Variants in USO1 observed in about 807,000 individuals in gnomAD.
USO1 encodes USO1 vesicle transport factor, also known as general vesicular transport factor p115.
Under a neutral mutation model 124.5 loss-of-function variants are expected in USO1, and 57 were observed. The ratio of observed to expected loss-of-function variants is 0.46; its 90% confidence interval spans 0.37 to 0.57. The LOEUF is 0.57. Ranked by LOEUF, USO1 falls within the 20% of genes least tolerant of loss-of-function variation. The probability of loss-of-function intolerance (pLI) is 0.00; values close to 1 mark genes in which losing one functional copy is unlikely to be tolerated. For synonymous variants in USO1, 369 were observed against 362.8 expected, an observed-to-expected ratio of 1.02 and a Z score of -0.19; for missense variants, 900 against 1,040.6, an observed-to-expected ratio of 0.86 and a Z score of 1.86.
intron 1 of USO1, among the ~76,000 whole-genome samples, chr4:75,736,120 C>G (rs887084563): frequency 2.0e-5 from 3 of 151,954 alleles, no homozygotes; most frequent in Non-Finnish European, 2.9e-5. Context: ...AGTTTAAGTT[C>G]TCTTTACTCC....
Position 75,799,651 on chromosome 4 carries a change from A to G in USO1, c.1482A>G (p.Leu494=), listed in dbSNP as rs756742881. The part of the protein sequence containing the change: ...QGSKIQTRVG[L]LMLLCTWLSN... ...GCAAAATACAAACAAGAGTTGGATTATTAATGTTGCTTTGTACCTGGCTAA... is the reference window on the plus strand; with the variant it reads ...GCAAAATACAAACAAGAGTTGGATTGTTAATGTTGCTTTGTACCTGGCTAA... Residue 494 remains leucine, a synonymous_variant, in exon 14 of 24, where the codon TTA becomes TTG. Coordinates refer to ENST00000514213, the MANE Select transcript of USO1 (RefSeq NM_003715.4). The G allele has an allele frequency of 1.2e-6, 2 of 1,613,738 alleles. No individual in the cohort carries two copies. Among genetic ancestry groups the G allele is most frequent in the East Asian group, 2.2e-5 (1 of 44,830 alleles).
rs1720340400 is a variant in USO1 at position 75,724,758 on chromosome 4, C to CG, written c.-57dup. 6.4e-7 allele frequency: 1 copy of CG among 1,567,990 alleles called. No individual in the cohort carries two copies. The highest frequency in any genetic ancestry group is 8.7e-7 in the Non-Finnish European group (1 of 1,143,302). On this transcript the variant is annotated 5_prime_UTR_variant, in exon 1 of 24. Transcript: ENST00000514213. ...ATTGGGGCCCAGGCCCTGCGGAGGGCGGGGGAAGTTGTCTTCTTTTTTTTC... is the reference window on the plus strand; with the variant it reads ...ATTGGGGCCCAGGCCCTGCGGAGGGCGGGGGGAAGTTGTCTTCTTTTTTTTC...
At chr4:75,734,614 G>A (rs951610751) in intron 1 of USO1, among the ~76,000 whole-genome samples, 6 of 149,622 alleles carry the variant, frequency 4.0e-5, no homozygotes, top group African/African-American at 1.5e-4. Context: ...GGCTCTTTTG[G>A]TTCCATATGA....
At chr4:75,785,409 G>A (rs1049895262) in intron 9 of USO1, among the ~76,000 whole-genome samples, 2 of 152,000 alleles carry the variant, frequency 1.3e-5, no homozygotes, top group Non-Finnish European at 2.9e-5. Flanking sequence ...CCCTGCAGGA[G>A]TCTCTTCTAT....
At chr4:75,800,592 G>T (rs374126191) in intron 15 of USO1, 26 bp from the exon 16 acceptor site, 1 of 1,503,092 alleles carries the variant, frequency 6.7e-7, no homozygotes, top group Non-Finnish European at 8.8e-7. Context: ...TTTTTTTAAA[G>T]CATCTCAATA....
chr4:75,793,362 C>CA (rs986125075), intron 12 of USO1, among the ~76,000 whole-genome samples: 1 of 152,008 alleles, frequency 6.6e-6, no homozygotes, highest in African/African-American at 2.4e-5. Context: ...AGGCATGCAC[C>CA]ACCAACTCCT....
chr4:75,796,018 T>C (rs1722667236), intron 13 of USO1, among the ~76,000 whole-genome samples: 1 of 152,142 alleles, frequency 6.6e-6, no homozygotes, highest in Non-Finnish European at 1.5e-5. Flanking sequence ...AGTTGAATAA[T>C]GTGGGTAGTA....
chr4:75,795,708 G>T (rs538420209), intron 13 of USO1, among the ~76,000 whole-genome samples: 1 of 151,856 alleles, frequency 6.6e-6, no homozygotes, highest in Non-Finnish European at 1.5e-5. Context: ...GTAGAATTCA[G>T]GATTAAGAAT....
intron 1 of USO1, chr4:75,744,819 A>G (rs1189051415): frequency 1.1e-5 from 4 of 379,158 alleles, no homozygotes; most frequent in African/African-American, 4.3e-5. Context: ...AAAGGCCCCC[A>G]TGAATGGACA....
intron 1 of USO1, among the ~76,000 whole-genome samples, chr4:75,740,427 A>G (rs990379581): frequency 1.3e-5 from 2 of 152,158 alleles, no homozygotes; most frequent in African/African-American, 4.8e-5. Context: ...AGCTAGGACT[A>G]CAGGCACTCG....
chr4:75,770,218 T>C (rs895724987), intron 4 of USO1: 2 of 310,754 alleles, frequency 6.4e-6, no homozygotes, highest in South Asian at 7.8e-5. Context: ...TTTTTAGATA[T>C]CATATTTAAA....
At chr4:75,746,245 C>A (rs1721123661) in intron 1 of USO1, among the ~76,000 whole-genome samples, 1 of 152,192 alleles carries the variant, frequency 6.6e-6, no homozygotes, top group African/African-American at 2.4e-5. Context: ...GGGACGTGAA[C>A]TTAAAGATAC....
chr4:75,750,010 C>T (rs1262805550), intron 1 of USO1, among the ~76,000 whole-genome samples: 4 of 152,296 alleles, frequency 2.6e-5, no homozygotes, highest in African/African-American at 7.2e-5. Flanking sequence ...ACCTCAGCCT[C>T]CCAAAGTGCT....
intron 1 of USO1, among the ~76,000 whole-genome samples, chr4:75,732,328 A>C (rs1439760532): frequency 6.6e-6 from 1 of 152,154 alleles, no homozygotes; most frequent in East Asian, 1.9e-4. Context: ...GTTGCTGCAA[A>C]GGGCATGATT....
chr4:75,779,531 T>A (rs1331799547), intron 8 of USO1, among the ~76,000 whole-genome samples: 5 of 152,194 alleles, frequency 3.3e-5, no homozygotes, highest in Non-Finnish European at 7.3e-5. Flanking sequence ...AGAGAAAGTT[T>A]TAGTTGTCCA....
In USO1 at chr4:75,793,712, T is replaced by G. The variant is rs763257046; in HGVS notation, c.1263T>G (p.Ala421=). The G allele has an allele frequency of 8.7e-6, 14 of 1,610,480 alleles. No individual in the cohort carries two copies. In the East Asian group the frequency reaches 3.1e-4, roughly 36 times the overall value. The change falls in exon 13 of 24, where the codon GCT becomes GCG. Residue 421 remains alanine (A), a synonymous_variant. Transcript: ENST00000514213. ...TIDATGNSVS[A]GQLLCGGLFS... is the part of the protein sequence containing the mutation. ...TAGCAACAGGTAATTCAGTTTCAGCTGGCCAGTTATTATGTGGAGGTTTGT... is the reference window on the plus strand; with the variant it reads ...TAGCAACAGGTAATTCAGTTTCAGCGGGCCAGTTATTATGTGGAGGTTTGT...
rs5859473 is a variant in USO1 at position 75,725,617 on chromosome 4, T to TAA, written c.66+746_66+747dup. ...TAATGACATGATTTGCGGCGTTATT[T>TAA]AAAAAAAAAAAAAAATGGTTAGCCG... is the stretch of plus-strand genomic sequence containing the variant. On this transcript the variant is annotated intron_variant, in intron 1 of 23. Transcript: ENST00000514213. Among the ~76,000 whole-genome samples, 489 of 146,386 alleles carry TAA rather than the reference T, an allele frequency of 3.3e-3. 2 individuals carry two copies. The highest frequency in any genetic ancestry group is 6.2e-3 in the East Asian group (31 of 4,988).
intron 13 of USO1, among the ~76,000 whole-genome samples, 190 bp downstream of exon 13, chr4:75,794,091 T>C (rs1338545047): frequency 6.6e-6 from 1 of 152,218 alleles, no homozygotes; most frequent in African/African-American, 2.4e-5. Flanking sequence ...TTTTGCTAAA[T>C]AGTTATAAGG....
chr4:75,729,632 C>T (rs956232616), intron 1 of USO1, among the ~76,000 whole-genome samples: 7 of 152,178 alleles, frequency 4.6e-5, no homozygotes, highest in African/African-American at 9.7e-5. Context: ...TGAGCCACTG[C>T]GCCCAGCCCC....
Sources: gnomAD v4.1 joint callset for allele counts (sites outside exome capture counted in the v4.1 genomes callset) on GRCh38, gnomAD v4.1.1 for gene constraint, MANE v1.5 for transcripts, NCBI Gene and HGNC (gene_info 2026-07-23, HGNC 2026-07-21) for gene names.